Variants in MAPK10 observed in about 807,000 individuals in gnomAD.
The protein encoded by MAPK10 is JNK3 alpha protein kinase.
A neutral mutation model predicts 59.3 loss-of-function variants in MAPK10; 25 were observed. The ratio of observed to expected loss-of-function variants is 0.42; its 90% CI spans 0.31 to 0.59. The LOEUF (loss-of-function observed/expected upper bound fraction) is 0.59. Among genes scored for constraint, MAPK10 ranks in the 20% least tolerant of loss-of-function variants. The pLI is 0.15. For missense variants in MAPK10, 351 were observed against 568.9 expected (o/e 0.62, Z 3.90); for synonymous variants, 190 against 200.5 (o/e 0.95, Z 0.44).
chr4:86,580,617 T>TA (rs1762197867), intron 1 of MAPK10, among the ~76,000 whole-genome samples: 1 of 152,156 alleles, frequency 6.6e-6, no homozygotes, highest in Non-Finnish European at 1.5e-5. Context: ...TTTCTCTATT[T>TA]AAAAAAATCC....
intron 1 of MAPK10, among the ~76,000 whole-genome samples, chr4:86,536,651 A>T (rs1758262072): frequency 1.3e-5 from 2 of 152,224 alleles, no homozygotes; most frequent in Admixed American, 6.5e-5. Context: ...CTATCTTCAA[A>T]AATAAAAATA....
chr4:86,310,217 T>C lies in MAPK10; in HGVS notation c.-7+44313A>G, dbSNP rs113020619. ...CATGTATTGATTCATGTCTCATGTC[T>C]CCCTAAAATGTATAAAACCAAGCCG... On this transcript the variant is annotated intron_variant, in intron 2 of 13. Transcript: ENST00000641462. 4.8e-4 allele frequency among the ~76,000 whole-genome samples: 73 copies of C among 152,210 alleles called. 1 individual carries two copies. The highest frequency in any genetic ancestry group is 1.7e-3 in the African/African-American group (71 of 41,528).
intron 1 of MAPK10, among the ~76,000 whole-genome samples, chr4:86,377,304 G>A (rs995801392): frequency 3.3e-5 from 5 of 152,166 alleles, no homozygotes; most frequent in East Asian, 1.9e-4. Context: ...CAGCTCTACT[G>A]CCCAACTACC....
intron 2 of MAPK10, among the ~76,000 whole-genome samples, chr4:86,242,724 G>A (rs961873469): frequency 3.9e-5 from 6 of 152,228 alleles, no homozygotes; most frequent in Non-Finnish European, 2.9e-5. Context: ...GCAGCTTGGA[G>A]CTACAGAAGT....
chr4:86,091,063 A>C (rs1046647445), intron 9 of MAPK10: 1 of 152,044 alleles, frequency 6.6e-6, no homozygotes, highest in African/African-American at 2.4e-5. Flanking sequence ...GATAAGCTGT[A>C]TTTATTATGT....
At chr4:86,360,302 G>A, upstream of MAPK10, 1 of 550,662 alleles carries the variant, frequency 1.8e-6, no homozygotes, top group Non-Finnish European at 2.3e-6. Flanking sequence ...CAGCCAGCCT[G>A]CACAACCTGA....
At chr4:86,196,935 C>A (rs558386908) in intron 2 of MAPK10, among the ~76,000 whole-genome samples, 1 of 152,166 alleles carries the variant, frequency 6.6e-6, no homozygotes, top group East Asian at 1.9e-4. Context: ...GTTTTGGTAC[C>A]AGCACCATGC....
chr4:86,129,246 G>A (rs2060597229), intron 4 of MAPK10, among the ~76,000 whole-genome samples: 1 of 152,110 alleles, frequency 6.6e-6, no homozygotes, highest in African/African-American at 2.4e-5. Flanking sequence ...TTAGTTTATG[G>A]TAGAATTTTC....
chr4:86,257,416 T>C (rs1057381313), intron 2 of MAPK10, among the ~76,000 whole-genome samples: 5 of 152,252 alleles, frequency 3.3e-5, no homozygotes, highest in Admixed American at 3.3e-4. Context: ...GGCAGTCTTC[T>C]TGAGTCTAGC....
chr4:86,529,181 G>A (rs1757688530), intron 1 of MAPK10, among the ~76,000 whole-genome samples: 1 of 152,204 alleles, frequency 6.6e-6, no homozygotes, highest in Non-Finnish European at 1.5e-5. Flanking sequence ...GGCTCGATGA[G>A]GACCAGAGGT....
chr4:86,560,324 T>C (rs1048764743), intron 1 of MAPK10, among the ~76,000 whole-genome samples: 6 of 152,240 alleles, frequency 3.9e-5, no homozygotes, highest in African/African-American at 9.6e-5. Context: ...TCTACCAGTG[T>C]GTGCCCCTAC....
upstream of MAPK10, among the ~76,000 whole-genome samples, chr4:86,364,695 T>C (rs1737551219): frequency 1.3e-5 from 2 of 152,084 alleles, no homozygotes; most frequent in African/African-American, 4.8e-5. Flanking sequence ...AAACCAAAAC[T>C]CTTGGTCAGG....
chr4:86,359,300 G>A (rs1428402188), intron 1 of MAPK10, among the ~76,000 whole-genome samples: 1 of 84,872 alleles, frequency 1.2e-5, no homozygotes, highest in Non-Finnish European at 2.7e-5. Flanking sequence ...GTGTGTGTGT[G>A]TGTGTGTGTG....
Position 86,558,001 on chromosome 4 carries a change from T to C in MAPK10, c.-263+35909A>G, listed in dbSNP as rs115803526. On this transcript the variant is annotated intron_variant, in intron 1 of 4. Transcript: ENST00000502302. The stretch of plus-strand genomic sequence containing the variant: ...TGCAAGAAATTAAATGGTTTATTCT[T>C]TTATGTACCCCCAAGAAGCAATTCT... 1.3e-3 allele frequency among the ~76,000 whole-genome samples: 204 copies of C among 152,254 alleles called. 2 individuals carry two copies. Among genetic ancestry groups the C allele is most frequent in the African/African-American group, 4.4e-3 (185 of 41,574 alleles).
chr4:86,375,640 A>C (rs968006181), intron 1 of MAPK10, among the ~76,000 whole-genome samples: 1 of 141,080 alleles, frequency 7.1e-6, no homozygotes, highest in Non-Finnish European at 1.5e-5. Flanking sequence ...ACTTGAGCCC[A>C]GGAGGTCAAG....
intron 3 of MAPK10, among the ~76,000 whole-genome samples, chr4:86,173,345 A>T (rs1020277779): frequency 6.6e-6 from 1 of 152,166 alleles, no homozygotes; most frequent in Admixed American, 6.5e-5. Context: ...ATCTTCAGCA[A>T]ACCTGACAAA....
intron 2 of MAPK10, among the ~76,000 whole-genome samples, chr4:86,306,645 AATACATT>A (rs1333907969): frequency 2.4e-4 from 36 of 152,322 alleles, no homozygotes; most frequent in African/African-American, 7.7e-4. Context: ...TATACACTAT[AATACATT>A]ATAATTTTCT....
chr4:86,126,266 TG>T (rs1270428508), intron 4 of MAPK10, among the ~76,000 whole-genome samples: 1 of 152,132 alleles, frequency 6.6e-6, no homozygotes, highest in East Asian at 1.9e-4. Context: ...TATCTTTTCT[TG>T]TTTTACTTCC....
intron 2 of MAPK10, among the ~76,000 whole-genome samples, chr4:86,229,997 A>G (rs1664394000): frequency 6.6e-6 from 1 of 152,158 alleles, no homozygotes; most frequent in African/African-American, 2.4e-5. Context: ...TGAGGTCGAG[A>G]CTGCTGTGAG....
Sources: gnomAD v4.1 joint callset for allele counts (sites outside exome capture counted in the v4.1 genomes callset) on GRCh38, gnomAD v4.1.1 for gene constraint, MANE v1.5 for transcripts, NCBI Gene and HGNC (gene_info 2026-07-23, HGNC 2026-07-21) for gene names.